The following FHIT variants were observed in gnomAD, a reference collection of about 807,000 sequenced individuals.
FHIT encodes the protein fragile histidine triad diadenosine triphosphatase.
In FHIT, 19 loss-of-function variants were observed where a neutral mutation model predicts 17.9. That is an observed-to-expected ratio of 1.06 (90% confidence interval 0.74 to 1.56). The LOEUF (loss-of-function observed/expected upper bound fraction) is 1.56, where lower values mean the gene tolerates loss of function less well. FHIT is among the 40% of genes most tolerant of loss of function. The pLI, the probability that FHIT is intolerant of heterozygous loss-of-function variation, is 0.00. For synonymous variants in FHIT, 81 were observed against 69.7 expected (o/e 1.16, Z -0.81); for missense variants, 248 against 189.2 (o/e 1.31, Z -1.82).
At chr3:60,630,231 T>C (rs1321794579) in intron 4 of FHIT, among the ~76,000 whole-genome samples, 1 of 152,216 alleles carries the variant, frequency 6.6e-6, no homozygotes, top group African/African-American at 2.4e-5. Context: ...TTAACTGATG[T>C]GACACAACTA....
chr3:60,399,739 CTG>C (rs918516049), intron 5 of FHIT, among the ~76,000 whole-genome samples: 31 of 152,204 alleles, frequency 2.0e-4, no homozygotes, highest in African/African-American at 7.2e-4. Context: ...TTTTCAACAG[CTG>C]TGTGGGTGAT....
At chr3:60,527,294 T>G (rs981396877) in intron 5 of FHIT, among the ~76,000 whole-genome samples, 3 of 152,220 alleles carry the variant, frequency 2.0e-5, no homozygotes, top group African/African-American at 7.2e-5. Flanking sequence ...TCCTGTTGAT[T>G]TATTTTTATC....
chr3:60,241,276 G>A (rs1215305735), intron 5 of FHIT, among the ~76,000 whole-genome samples: 1 of 151,994 alleles, frequency 6.6e-6, no homozygotes, highest in Non-Finnish European at 1.5e-5. Flanking sequence ...ACATAACAAG[G>A]ATCACAAATG....
chr3:61,064,829 A>T (rs1028667194), intron 2 of FHIT, among the ~76,000 whole-genome samples: 1 of 151,992 alleles, frequency 6.6e-6, no homozygotes. Context: ...AAAATTCATG[A>T]CCCTTGACTC....
At chr3:60,204,454 T>A (rs116576838) in intron 5 of FHIT, among the ~76,000 whole-genome samples, 1 of 77,410 alleles carries the variant, frequency 1.3e-5, no homozygotes, top group Non-Finnish European at 2.9e-5. Context: ...GTTTTTTTTT[T>A]TTTGTTTTGT....
chr3:59,825,570 AC>A (rs1700948974), intron 8 of FHIT, among the ~76,000 whole-genome samples: 1 of 152,206 alleles, frequency 6.6e-6, no homozygotes, highest in African/African-American at 2.4e-5. Context: ...TTGCTCCCAC[AC>A]CTGATGTACT....
At chr3:59,871,785 C>T (rs1702936276) in intron 8 of FHIT, among the ~76,000 whole-genome samples, 1 of 152,178 alleles carries the variant, frequency 6.6e-6, no homozygotes, top group Non-Finnish European at 1.5e-5. Flanking sequence ...TCCTTTAGCA[C>T]TCCACATAGA....
rs549979522 is a variant in FHIT, at chr3:60,391,489, T to C, written c.103+145371A>G. On this transcript the variant is annotated intron_variant, in intron 5 of 9. Transcript: ENST00000492590. ...GCCCTTCACATGCACTCATCACTTA[T>C]GTACTGACTCATCCTGAGCAACTTC... 1.0e-3 allele frequency among the ~76,000 whole-genome samples: 152 copies of C among 152,298 alleles called. 1 individual carries two copies. The highest frequency in any genetic ancestry group is 3.2e-3 in the African/African-American group (131 of 41,584).
intron 5 of FHIT, among the ~76,000 whole-genome samples, chr3:60,526,432 G>T (rs1180093061): frequency 6.6e-6 from 1 of 152,126 alleles, no homozygotes; most frequent in East Asian, 1.9e-4. Context: ...ACCTAGTGGT[G>T]CCTGCCTCCT....
intron 3 of FHIT, among the ~76,000 whole-genome samples, chr3:60,824,844 A>G (rs2106785775): frequency 6.6e-6 from 1 of 152,232 alleles, no homozygotes; most frequent in Admixed American, 6.5e-5. Flanking sequence ...GCCTTCCACC[A>G]TGATTGTGAG....
chr3:60,449,972 C>T (rs1477806411), intron 5 of FHIT, among the ~76,000 whole-genome samples: 1 of 138,302 alleles, frequency 7.2e-6, no homozygotes, highest in Non-Finnish European at 1.5e-5. Flanking sequence ...CACTGCACTC[C>T]AGCCTGGCGA....
rs1474174372 is a variant in FHIT, at chr3:60,081,840, G to T, written c.104-67688C>A. The stretch of plus-strand genomic sequence containing the variant: ...GGCATCTTTTCCTGTTTCTTTTTCA[G>T]TTACTTGAATCCACCTGTGATAAAC... On this transcript the variant is annotated intron_variant, in intron 5 of 9. Transcript: ENST00000492590. Among the ~76,000 whole-genome samples the T allele has an allele frequency of 9.9e-5, 15 of 151,882 alleles. No homozygotes were observed. The South Asian group carries it at 2.1e-3, about 21-fold the overall frequency.
At chr3:60,871,225 C>T (rs78655683) in intron 3 of FHIT, among the ~76,000 whole-genome samples, 2,491 of 152,162 alleles carry the variant, frequency 0.016, 35 homozygotes, top group Middle Eastern at 0.044. Context: ...CATTAGAACC[C>T]GTTTTGCATA....
At chr3:59,915,858 G>A (rs74358888) in intron 8 of FHIT, among the ~76,000 whole-genome samples, 2,249 of 152,014 alleles carry the variant, frequency 0.015, 55 homozygotes, top group African/African-American at 0.051. Context: ...CTTGAGACCC[G>A]GGGTTTGAGG....
intron 5 of FHIT, among the ~76,000 whole-genome samples, chr3:60,333,105 T>A (rs1710065962): frequency 6.6e-6 from 1 of 152,226 alleles, no homozygotes; most frequent in South Asian, 2.1e-4. Context: ...CAGCCACGTG[T>A]ATCTCACTCT....
intron 2 of FHIT, chr3:61,165,928 T>C (rs2037823979): frequency 6.6e-6 from 1 of 152,212 alleles, no homozygotes; most frequent in Admixed American, 6.6e-5. Context: ...ATCATTCATG[T>C]CAGTAGCAGC....
At chr3:59,796,045 G>A (rs1699765755) in intron 8 of FHIT, among the ~76,000 whole-genome samples, 1 of 152,162 alleles carries the variant, frequency 6.6e-6, no homozygotes, top group African/African-American at 2.4e-5. Flanking sequence ...TGGAGACAGG[G>A]AATGCCACCT....
At chr3:60,440,356 G>C (rs970708075) in intron 5 of FHIT, among the ~76,000 whole-genome samples, 13 of 152,020 alleles carry the variant, frequency 8.6e-5, no homozygotes, top group Non-Finnish European at 1.6e-4. Context: ...CTGGAAGATG[G>C]TATATAAATG....
At chr3:59,752,590 CATGTCAAATTAGAATCCCCA>C (rs1365045418) in intron 8 of FHIT, among the ~76,000 whole-genome samples, 1 of 152,148 alleles carries the variant, frequency 6.6e-6, no homozygotes, top group Non-Finnish European at 1.5e-5. Flanking sequence ...GCCCATATCT[CATGTCAAATTAGAATCCCCA>C]GTGTCAGAGG....
Sources: allele counts gnomAD v4.1 joint callset (sites outside exome capture counted in the v4.1 genomes callset), GRCh38; gene constraint gnomAD v4.1.1; transcripts MANE v1.5; gene names NCBI Gene and HGNC (gene_info 2026-07-23, HGNC 2026-07-21).